Variants in LRRC49 observed in about 807,000 individuals in gnomAD.
The protein encoded by LRRC49 is leucine-rich repeat-containing protein 49.
In LRRC49, 50 loss-of-function variants were observed where a neutral mutation model predicts 83.3. The ratio of observed to expected loss-of-function variants is 0.60; its 90% CI spans 0.48 to 0.76. The LOEUF (loss-of-function observed/expected upper bound fraction) is 0.76, where lower values mean the gene tolerates loss of function less well. LRRC49 is among the 30% of genes least tolerant of loss of function. LRRC49 has a pLI of 0.00. For synonymous variants in LRRC49, 286 were observed against 283.3 expected (o/e 1.01, Z -0.10); for missense variants, 704 against 809.1 (o/e 0.87, Z 1.58).
intron 8 of LRRC49, among the ~76,000 whole-genome samples, chr15:70,949,019 C>T (rs59604946): frequency 0.013 from 2,005 of 152,190 alleles, 51 homozygotes; most frequent in African/African-American, 0.046. Flanking sequence ...TTCAATAAAA[C>T]TTATTTATGG....
At chr15:70,923,456 T>G (rs996929418) in intron 7 of LRRC49, among the ~76,000 whole-genome samples, 1 of 151,974 alleles carries the variant, frequency 6.6e-6, no homozygotes, top group Non-Finnish European at 1.5e-5. Flanking sequence ...TGTTATGTAT[T>G]AACTCTCTTT....
At chr15:71,036,962 TG>T (rs1428506495) in intron 14 of LRRC49, among the ~76,000 whole-genome samples, 5 of 152,174 alleles carry the variant, frequency 3.3e-5, no homozygotes, top group Non-Finnish European at 7.4e-5. Context: ...GTATTTTCAT[TG>T]ATGATTAGTA....
chr15:70,930,333 A>G (rs1010495028), intron 7 of LRRC49, among the ~76,000 whole-genome samples: 1 of 152,060 alleles, frequency 6.6e-6, no homozygotes, highest in Non-Finnish European at 1.5e-5. Flanking sequence ...TGAAAGGAAA[A>G]TTTTTTCCTG....
intron 9 of LRRC49, among the ~76,000 whole-genome samples, chr15:70,972,353 A>G (rs2037038032): frequency 6.6e-6 from 1 of 152,176 alleles, no homozygotes; most frequent in Non-Finnish European, 1.5e-5. Flanking sequence ...AGAGAGATCC[A>G]ATGTTAGTCT....
chr15:70,855,589 T>C (rs1468474499), intron 1 of LRRC49, among the ~76,000 whole-genome samples: 3 of 152,182 alleles, frequency 2.0e-5, no homozygotes, highest in Admixed American at 1.3e-4. Context: ...AAGAACACCA[T>C]GTATAGGGTC....
rs371768908 is a variant in LRRC49, at chr15:71,044,582, A to G, written c.1858-4827A>G. Among the ~76,000 whole-genome samples, 8 of 152,232 alleles carry G rather than the reference A, an allele frequency of 5.3e-5. No individual in the cohort carries two copies. The East Asian group carries it at 1.6e-3, about 30-fold the overall frequency. On this transcript the variant is annotated intron_variant, in intron 15 of 15. Transcript: ENST00000260382. ...GGTGGGTGGATTGCTTGAGTTCAAG[A>G]GTTTGAGACCAGCCTAGGCAACATG...
At chr15:70,914,408 G>T (rs1259852788) in intron 6 of LRRC49, among the ~76,000 whole-genome samples, 2 of 152,144 alleles carry the variant, frequency 1.3e-5, no homozygotes, top group Admixed American at 6.5e-5. Context: ...TTATGGATGT[G>T]AAATCATTCT....
chr15:70,990,889 G>A (rs1764772925), intron 11 of LRRC49, among the ~76,000 whole-genome samples: 1 of 152,190 alleles, frequency 6.6e-6, no homozygotes, highest in Non-Finnish European at 1.5e-5. Flanking sequence ...ACCCACAGAG[G>A]TCTGAAGTTT....
At position 71,049,430 on chromosome 15, in the gene LRRC49, T is replaced by G. The variant is rs1278442001; in HGVS notation, c.1879T>G (p.Phe627Val). The part of the protein sequence containing the change: ...KLEEIKEKKK[F>V]CKTYIEDLVK... ...ACAGGAAATAAAGGAAAAGAAGAAA[T>G]TCTGTAAAACATATATAGAAGACCT... Residue 627 changes from phenylalanine to valine, a missense_variant, in exon 16 of 16, where the codon TTC becomes GTC. Coordinates refer to ENST00000260382, the MANE Select transcript of LRRC49 (RefSeq NM_017691.5). 1 of 1,589,882 alleles carries G rather than the reference T, an allele frequency of 6.3e-7. No homozygotes were observed. The highest frequency in any genetic ancestry group is 2.2e-5 in the East Asian group (1 of 44,730).
intron 7 of LRRC49, among the ~76,000 whole-genome samples, chr15:70,928,642 T>C (rs2035297971): frequency 6.6e-6 from 1 of 152,148 alleles, no homozygotes; most frequent in African/African-American, 2.4e-5. Flanking sequence ...CTTGGCTCAC[T>C]GCAAGCTCCA....
At chr15:70,978,888 T>C (rs192907913) in intron 9 of LRRC49, among the ~76,000 whole-genome samples, 2 of 152,296 alleles carry the variant, frequency 1.3e-5, no homozygotes, top group East Asian at 1.9e-4. Context: ...TCTTCAGCTG[T>C]GTATAATCTG....
intron 11 of LRRC49, among the ~76,000 whole-genome samples, chr15:70,997,105 T>C (rs980345156): frequency 6.6e-6 from 1 of 152,240 alleles, no homozygotes; most frequent in African/African-American, 2.4e-5. Context: ...GCTGATCTTC[T>C]GTCTGGTTGT....
intron 9 of LRRC49, among the ~76,000 whole-genome samples, chr15:70,972,330 G>T (rs533294332): frequency 6.6e-6 from 1 of 152,214 alleles, no homozygotes; most frequent in African/African-American, 2.4e-5. Context: ...CTTCTGGCTT[G>T]TAGGGTTTCT....
chr15:71,042,145 ACAGT>A (rs2141305597), intron 15 of LRRC49, among the ~76,000 whole-genome samples: 1 of 152,276 alleles, frequency 6.6e-6, no homozygotes, highest in South Asian at 2.1e-4. Context: ...GGTAAATTGG[ACAGT>A]CATTCAAGGT....
intron 2 of LRRC49, among the ~76,000 whole-genome samples, chr15:70,875,595 C>G (rs2033137270): frequency 6.6e-6 from 1 of 152,156 alleles, no homozygotes; most frequent in African/African-American, 2.4e-5. Flanking sequence ...TAGGCAATAT[C>G]CTTTCCTGCC....
chr15:71,022,120 C>T (rs1031017933), intron 14 of LRRC49, among the ~76,000 whole-genome samples: 1 of 152,142 alleles, frequency 6.6e-6, no homozygotes, highest in African/African-American at 2.4e-5. Flanking sequence ...TGCCTATAAT[C>T]CCAGCACTTT....
intron 10 of LRRC49, among the ~76,000 whole-genome samples, chr15:70,980,718 C>A (rs2037369560): frequency 6.6e-6 from 1 of 151,878 alleles, no homozygotes; most frequent in South Asian, 2.1e-4. Context: ...ATAAAATATT[C>A]TCTTTTAAAT....
chr15:70,939,460 A>G (rs967624274), intron 8 of LRRC49, among the ~76,000 whole-genome samples: 1 of 152,226 alleles, frequency 6.6e-6, no homozygotes, highest in Non-Finnish European at 1.5e-5. Context: ...GTTTAAAGCC[A>G]TAAGCAAATC....
intron 1 of LRRC49, among the ~76,000 whole-genome samples, chr15:70,862,577 CAAAAAA>C (rs10623501): frequency 1.9e-3 from 118 of 61,738 alleles, no homozygotes; most frequent in Middle Eastern, 0.021. Flanking sequence ...GACTCCGTCT[CAAAAAA>C]AAAAAAAAAA....
Sources: gnomAD v4.1 joint callset for allele counts (sites outside exome capture counted in the v4.1 genomes callset) on GRCh38, gnomAD v4.1.1 for gene constraint, MANE v1.5 for transcripts, NCBI Gene and HGNC (gene_info 2026-07-23, HGNC 2026-07-21) for gene names.